The following CLSTN2 variants were observed in gnomAD, a reference collection of about 807,000 sequenced individuals.
The protein encoded by CLSTN2 is calsyntenin-2.
Under a neutral mutation model 101.2 loss-of-function variants are expected in CLSTN2, and 48 were observed. The ratio of observed to expected loss-of-function variants is 0.47; its 90% CI spans 0.38 to 0.60. The LOEUF is 0.60. Among genes scored for constraint, CLSTN2 ranks in the 20% least tolerant of loss-of-function variants. The pLI is 0.00. For missense variants in CLSTN2, 1,160 were observed against 1,238.2 expected (o/e 0.94, Z 0.95); for synonymous variants, 481 against 463.6 (o/e 1.04, Z -0.48).
chr3:140,484,595 G>A (rs1420583965), intron 8 of CLSTN2, among the ~76,000 whole-genome samples: 6 of 152,138 alleles, frequency 3.9e-5, no homozygotes, highest in Admixed American at 3.9e-4. Flanking sequence ...TCACTTTCAG[G>A]TACACCAATC....
At position 140,022,433 on chromosome 3, in the gene CLSTN2, T is replaced by C. The variant is rs148513461; in HGVS notation, c.109+86950T>C. ...AGAGCAATGAGCCTGGGTCTGGAGA[T>C]GGAGGCAAGCTGCCCAGGAGAGGGG... On this transcript the variant is annotated intron_variant, in intron 1 of 16. Coordinates refer to ENST00000458420, the MANE Select transcript of CLSTN2 (RefSeq NM_022131.3). Among the ~76,000 whole-genome samples, 75 of 152,282 alleles carry C rather than the reference T, an allele frequency of 4.9e-4. 1 individual carries two copies. Among genetic ancestry groups the C allele is most frequent in the African/African-American group, 1.7e-3 (71 of 41,568 alleles).
chr3:140,162,438 G>C (rs1399501912), intron 1 of CLSTN2, among the ~76,000 whole-genome samples: 1 of 152,080 alleles, frequency 6.6e-6, no homozygotes, highest in Admixed American at 6.6e-5. Flanking sequence ...ATGTATCTAG[G>C]GGTGGAAGAG....
At chr3:140,194,228 G>T (rs1293942947) in intron 2 of CLSTN2, among the ~76,000 whole-genome samples, 2 of 152,138 alleles carry the variant, frequency 1.3e-5, no homozygotes, top group Non-Finnish European at 2.9e-5. Context: ...GGTGCTGTCA[G>T]TGCCTGGTGA....
rs1043012346 is a variant in CLSTN2 at position 139,935,252 on chromosome 3, G to C, written c.-123G>C. ...GGAACCCGAGGCCGAGCGCCGCGGC[G>C]GCAGCGCTAGAAGCGCACCCATCGG... On this transcript the variant is annotated 5_prime_UTR_variant, in exon 1 of 17. Transcript: ENST00000458420. This position sits in a 1 kb window ranked among gnomAD's most constrained non-coding sequence, Gnocchi z 5.5. 2 of 432,476 alleles carry C rather than the reference G, an allele frequency of 4.6e-6. No homozygotes were observed. The highest frequency in any genetic ancestry group is 7.4e-6 in the Non-Finnish European group (2 of 268,912). 26.8% of individuals were successfully genotyped at this position (432,476 alleles called of 1,614,324 possible).
At chr3:140,374,923 C>G (rs6804095) in intron 2 of CLSTN2, among the ~76,000 whole-genome samples, 145,693 of 152,294 alleles carry the variant, frequency 0.96, 70,010 homozygotes, top group East Asian at 1. Context: ...ATTATTCCCT[C>G]TGACTACACC....
chr3:140,534,592 C>G (rs1353983912), intron 9 of CLSTN2, among the ~76,000 whole-genome samples: 2 of 152,184 alleles, frequency 1.3e-5, no homozygotes, highest in East Asian at 3.8e-4. Flanking sequence ...TATCCACAGT[C>G]AGTAGACAGA....
At chr3:140,551,137 G>C (rs1248764420) in intron 10 of CLSTN2, among the ~76,000 whole-genome samples, 2 of 152,038 alleles carry the variant, frequency 1.3e-5, no homozygotes, top group East Asian at 3.9e-4. Context: ...AGACATTCTT[G>C]AAAATCATTA....
At chr3:140,170,005 C>T (rs947659229) in intron 1 of CLSTN2, among the ~76,000 whole-genome samples, 1 of 152,030 alleles carries the variant, frequency 6.6e-6, no homozygotes, top group African/African-American at 2.4e-5. Flanking sequence ...CATAATTGAG[C>T]TCAGAAGAAA....
chr3:140,070,860 T>C (rs1411051337), intron 1 of CLSTN2, among the ~76,000 whole-genome samples: 1 of 152,158 alleles, frequency 6.6e-6, no homozygotes, highest in Non-Finnish European at 1.5e-5. Flanking sequence ...GTTTTCCAGC[T>C]ACAAAGGCAG....
chr3:139,963,703 C>G (rs967017824), intron 1 of CLSTN2, among the ~76,000 whole-genome samples: 1 of 152,084 alleles, frequency 6.6e-6, no homozygotes, highest in African/African-American at 2.4e-5. Context: ...TGGGTTGTGC[C>G]GACTGTCAGT....
chr3:140,545,264 A>T (rs1316046931), intron 9 of CLSTN2, among the ~76,000 whole-genome samples: 1 of 152,186 alleles, frequency 6.6e-6, no homozygotes, highest in Non-Finnish European at 1.5e-5. Flanking sequence ...CTAGAGAGCC[A>T]GAGAAGACTT....
intron 1 of CLSTN2, among the ~76,000 whole-genome samples, chr3:140,103,109 A>G (rs1428067668): frequency 6.6e-6 from 1 of 152,210 alleles, no homozygotes; most frequent in Non-Finnish European, 1.5e-5. Flanking sequence ...GACTGACCTC[A>G]GTCAGACTGA....
chr3:140,152,629 A>G (rs1055129734), intron 1 of CLSTN2, among the ~76,000 whole-genome samples: 1 of 152,180 alleles, frequency 6.6e-6, no homozygotes, highest in Non-Finnish European at 1.5e-5. Context: ...TACATGGGCA[A>G]TTGGTGCTCA....
At chr3:140,431,476 C>T (rs1469567751) in intron 5 of CLSTN2, among the ~76,000 whole-genome samples, 3 of 152,196 alleles carry the variant, frequency 2.0e-5, no homozygotes, top group Non-Finnish European at 4.4e-5. Context: ...TTCAATAGGA[C>T]AGCACTGACT....
In CLSTN2 at chr3:140,572,985, C is replaced by A. The variant is rs1369558744; in HGVS notation, c.*6732C>A. On this transcript the variant is annotated 3_prime_UTR_variant, in exon 17 of 17. Coordinates refer to ENST00000458420, the MANE Select transcript of CLSTN2 (RefSeq NM_022131.3). ...CCTGCCCTTGGGCATGAGACAATTCCTGCCTGCCTGCCCCTTCTATCCTAG... is the reference window on the plus strand; with the variant it reads ...CCTGCCCTTGGGCATGAGACAATTCATGCCTGCCTGCCCCTTCTATCCTAG... 1.3e-5 allele frequency: 2 copies of A among 152,400 alleles called. No homozygotes were observed. The highest frequency in any genetic ancestry group is 4.8e-5 in the African/African-American group (2 of 41,468). 9.4% of individuals were successfully genotyped at this position (152,400 alleles called of 1,614,324 possible).
chr3:140,379,952 C>G (rs879294566), intron 2 of CLSTN2, among the ~76,000 whole-genome samples: 61 of 151,792 alleles, frequency 4.0e-4, no homozygotes, highest in Non-Finnish European at 7.1e-4. Context: ...CCTTTTTTGC[C>G]TTTTTATATT....
At chr3:140,185,116 T>C (rs1002672786) in intron 2 of CLSTN2, among the ~76,000 whole-genome samples, 3 of 152,172 alleles carry the variant, frequency 2.0e-5, no homozygotes, top group Admixed American at 2.0e-4. Flanking sequence ...TTCATCATCA[T>C]TTGGTTTTAT....
intron 1 of CLSTN2, among the ~76,000 whole-genome samples, chr3:140,120,276 C>T (rs2009317978): frequency 6.6e-6 from 1 of 152,048 alleles, no homozygotes; most frequent in Non-Finnish European, 1.5e-5. Flanking sequence ...GTTGGAGTGG[C>T]TCACAGAACT....
At chr3:140,512,751 A>C (rs537247697) in intron 8 of CLSTN2, among the ~76,000 whole-genome samples, 2 of 152,298 alleles carry the variant, frequency 1.3e-5, no homozygotes, top group African/African-American at 2.4e-5. Flanking sequence ...ATGATCATAG[A>C]ATGTCTTTCC....
Sources: gnomAD v4.1 joint callset for allele counts (sites outside exome capture counted in the v4.1 genomes callset) on GRCh38, gnomAD v4.1.1 for gene constraint, Gnocchi (gnomAD v3.1) non-coding constraint, MANE v1.5 for transcripts, NCBI Gene and HGNC (gene_info 2026-07-23, HGNC 2026-07-21) for gene names.